DNAH14: variants seen among roughly 807,000 people sequenced by gnomAD.
The protein encoded by DNAH14 is dynein axonemal heavy chain 14.
In DNAH14, 478 loss-of-function variants were observed where a neutral mutation model predicts 520.9. The ratio of observed to expected loss-of-function variants is 0.92; its 90% confidence interval spans 0.85 to 0.99. DNAH14 has a LOEUF of 0.99. Among genes scored for constraint, DNAH14 ranks in the 50% least tolerant of loss-of-function variants. The probability of loss-of-function intolerance (pLI) is 0.00; values close to 1 mark genes in which losing one functional copy is unlikely to be tolerated. For synonymous variants in DNAH14, 1,581 were observed against 1,757.2 expected, an observed-to-expected ratio of 0.90 and a Z score of 2.51; for missense variants, 4,831 against 5,234.5, an observed-to-expected ratio of 0.92 and a Z score of 2.38.
At chr1:225,105,250 A>G (rs947403432) in intron 23 of DNAH14, among the ~76,000 whole-genome samples, 33 of 152,226 alleles carry the variant, frequency 2.2e-4, no homozygotes, top group African/African-American at 7.5e-4. Flanking sequence ...GGTCTGAGAG[A>G]CAGTTTGTTA....
intron 23 of DNAH14, among the ~76,000 whole-genome samples, chr1:225,104,221 C>T (rs958621773): frequency 1.3e-5 from 2 of 152,156 alleles, no homozygotes; most frequent in Non-Finnish European, 2.9e-5. Flanking sequence ...AGCCTTGAAT[C>T]CCAGGGATGA....
At chr1:225,392,045 G>C (rs1008523610) in intron 83 of DNAH14, among the ~76,000 whole-genome samples, 1 of 152,120 alleles carries the variant, frequency 6.6e-6, no homozygotes, top group Non-Finnish European at 1.5e-5. Context: ...AACGAATACA[G>C]GAGGGGTGCT....
intron 60 of DNAH14, among the ~76,000 whole-genome samples, chr1:225,313,410 T>C (rs2094408951): frequency 6.6e-6 from 1 of 152,240 alleles, no homozygotes. Flanking sequence ...TTCATAGATG[T>C]TTTGAAGGTT....
At chr1:225,370,737 T>C (rs1260273457) in intron 77 of DNAH14, among the ~76,000 whole-genome samples, 12 of 152,070 alleles carry the variant, frequency 7.9e-5, no homozygotes. Context: ...AATTCTTTAT[T>C]AGCTGGAGTA....
intron 64 of DNAH14, among the ~76,000 whole-genome samples, chr1:225,329,153 C>T (rs998165191): frequency 2.6e-5 from 4 of 152,138 alleles, no homozygotes; most frequent in Non-Finnish European, 5.9e-5. Context: ...CTTAAAATTA[C>T]TTCTCAAACA....
chr1:225,282,427 A>G (rs568327247), intron 54 of DNAH14, among the ~76,000 whole-genome samples: 1 of 152,198 alleles, frequency 6.6e-6, no homozygotes, highest in Non-Finnish European at 1.5e-5. Flanking sequence ...GACCCTGTCC[A>G]ATGCTGGAAA....
intron 43 of DNAH14, among the ~76,000 whole-genome samples, chr1:225,244,324 G>T (rs758032003): frequency 1.6e-4 from 24 of 151,972 alleles, no homozygotes; most frequent in Admixed American, 6.6e-5. Context: ...TTTTTTTGTT[G>T]TGTCTCTGCC....
At chr1:225,270,634 A>T in intron 49 of DNAH14, 101 bp from the exon 50 acceptor site, 1 of 997,784 alleles carries the variant, frequency 1.0e-6, no homozygotes, top group Non-Finnish European at 1.4e-6. Flanking sequence ...TTTTGTCTAA[A>T]TGTTTTTAAA....
At chr1:225,095,628 G>A (rs2074892507) in intron 21 of DNAH14, among the ~76,000 whole-genome samples, 1 of 152,122 alleles carries the variant, frequency 6.6e-6, no homozygotes, top group Admixed American at 6.5e-5. Flanking sequence ...ACCTGCACAT[G>A]TACTCCTGAA....
At chr1:224,931,943 T>C (rs2058723300) in intron 1 of DNAH14, among the ~76,000 whole-genome samples, 1 of 152,212 alleles carries the variant, frequency 6.6e-6, no homozygotes. Context: ...TTTTATATAT[T>C]GATTTCTTTT....
chr1:224,975,183 T>C (rs1341737370), intron 8 of DNAH14, among the ~76,000 whole-genome samples: 1 of 151,880 alleles, frequency 6.6e-6, no homozygotes, highest in Non-Finnish European at 1.5e-5. Context: ...TGGTCTGAAA[T>C]TCTCTTTTTT....
At chr1:225,003,181 G>A (rs932867134) in intron 9 of DNAH14, among the ~76,000 whole-genome samples, 5 of 151,918 alleles carry the variant, frequency 3.3e-5, no homozygotes, top group Admixed American at 2.6e-4. Context: ...ATTTCCGAAT[G>A]TGTAATATGA....
At position 225,303,158 on chromosome 1, in the gene DNAH14, A is replaced by G; in HGVS notation, c.8634A>G (p.Arg2878=). The change falls in exon 57 of 86, where the codon AGA becomes AGG. Residue 2878 remains arginine (R), a splice_region_variant and synonymous_variant. Coordinates refer to ENST00000682510, the MANE Select transcript of DNAH14 (RefSeq NM_001367479.1). The stretch of plus-strand genomic sequence containing the variant: ...TTTATATTTTCATTAATTTTCAGAG[A>G]ATATATAAAAATCTTCATATTTTTG... ...RQSLLSFFQK[R]IYKNLHIFVI... The G allele has an allele frequency of 2.7e-6, 4 of 1,468,304 alleles. No individual in the cohort carries two copies. Among genetic ancestry groups the G allele is most frequent in the Non-Finnish European group, 3.6e-6 (4 of 1,103,710 alleles). The allele number at this position is 1,468,304 out of a possible 1,614,324, so 91.0% of individuals were successfully genotyped here.
intron 84 of DNAH14, among the ~76,000 whole-genome samples, 186 bp from the exon 85 acceptor site, chr1:225,398,334 C>T (rs538356360): frequency 2.4e-4 from 36 of 152,304 alleles, no homozygotes; most frequent in Non-Finnish European, 1.0e-4. Flanking sequence ...ATAGATACAC[C>T]TAAGCCTATG....
At position 225,018,147 on chromosome 1, in the gene DNAH14, C is replaced by G. The variant is rs572667726; in HGVS notation, c.1108-5468C>G. On this transcript the variant is annotated intron_variant, in intron 10 of 85. Transcript: ENST00000682510. ...TCGAGGTACAAGAGAAGGTCAAAACCAAATCCAAGGAAAACAGTAAAACAA... is the reference window on the plus strand; with the variant it reads ...TCGAGGTACAAGAGAAGGTCAAAACGAAATCCAAGGAAAACAGTAAAACAA... 2.0e-5 allele frequency among the ~76,000 whole-genome samples: 3 copies of G among 152,256 alleles called. No individual in the cohort carries two copies. The South Asian group carries it at 6.2e-4, about 32-fold the overall frequency.
chr1:225,303,076 T>C (rs1294107386), intron 56 of DNAH14, 80 bp from the exon 57 acceptor site: 9 of 1,090,006 alleles, frequency 8.3e-6, no homozygotes, highest in Non-Finnish European at 1.1e-5. Flanking sequence ...TGAAATATGT[T>C]TTCCATGGAA....
chr1:225,103,977 A>AT (rs2075776202), intron 23 of DNAH14, among the ~76,000 whole-genome samples: 2 of 148,238 alleles, frequency 1.3e-5, no homozygotes, highest in Non-Finnish European at 3.0e-5. Flanking sequence ...CCAGTTTTCA[A>AT]AGGGAATGCT....
chr1:225,075,474 C>G (rs898243331), intron 17 of DNAH14, among the ~76,000 whole-genome samples: 1 of 152,128 alleles, frequency 6.6e-6, no homozygotes, highest in Non-Finnish European at 1.5e-5. Flanking sequence ...ATTTAAATCT[C>G]TTTGTTAAAT....
chr1:225,163,236 A>T (rs1437166239), intron 35 of DNAH14, among the ~76,000 whole-genome samples: 1 of 144,580 alleles, frequency 6.9e-6, no homozygotes, highest in Non-Finnish European at 1.5e-5. Context: ...GAATTTGTTT[A>T]TCAGTTCCAA....
Sources: gnomAD v4.1 joint callset for allele counts (sites outside exome capture counted in the v4.1 genomes callset) on GRCh38, gnomAD v4.1.1 for gene constraint, MANE v1.5 for transcripts, NCBI Gene and HGNC (gene_info 2026-07-23, HGNC 2026-07-21) for gene names.